The following SLC8A2 variants were observed in gnomAD, a reference collection of about 807,000 sequenced individuals.
SLC8A2 encodes sodium/calcium exchanger 2.
In SLC8A2, 14 loss-of-function variants were observed where a neutral mutation model predicts 70.2. That is an observed-to-expected ratio of 0.20 (90% CI 0.13 to 0.31). The LOEUF is 0.31. Ranked by LOEUF, SLC8A2 falls within the 10% of genes least tolerant of loss-of-function variation. The probability of loss-of-function intolerance (pLI) is 1.00; values close to 1 mark genes in which losing one functional copy is unlikely to be tolerated. For synonymous variants in SLC8A2, 575 were observed against 594.3 expected, an observed-to-expected ratio of 0.97 and a Z score of 0.47; for missense variants, 779 against 1,320.1, an observed-to-expected ratio of 0.59 and a Z score of 6.35.
intron 3 of SLC8A2, among the ~76,000 whole-genome samples, chr19:47,454,814 G>T (rs923377267): frequency 6.6e-6 from 1 of 152,142 alleles, no homozygotes; most frequent in African/African-American, 2.4e-5. Flanking sequence ...TGCCAGGTGC[G>T]GTGGCTCACG....
intron 8 of SLC8A2, among the ~76,000 whole-genome samples, chr19:47,434,180 G>C (rs893927220): frequency 6.6e-6 from 1 of 152,230 alleles, no homozygotes; most frequent in African/African-American, 2.4e-5. Flanking sequence ...CACGCTCTTT[G>C]GGAGAGAGGT....
intron 1 of SLC8A2, 96 bp downstream of exon 1, chr19:47,471,693 G>A (rs1388772445): frequency 1.3e-5 from 2 of 152,134 alleles, no homozygotes; most frequent in African/African-American, 4.8e-5. Flanking sequence ...GCCCAGGGAA[G>A]CCAGCTCCAG....
At chr19:47,450,518 G>A (rs916192187) in intron 3 of SLC8A2, among the ~76,000 whole-genome samples, 6 of 151,942 alleles carry the variant, frequency 3.9e-5, no homozygotes, top group African/African-American at 1.2e-4. Flanking sequence ...GCAAGACTCC[G>A]TCTCAAAAAG....
At chr19:47,470,791 CAAG>C (rs1049732418) in intron 1 of SLC8A2, among the ~76,000 whole-genome samples, 4 of 152,250 alleles carry the variant, frequency 2.6e-5, no homozygotes, top group East Asian at 1.9e-4. Context: ...GGTTAAACTG[CAAG>C]AAGGACCGGC....
chr19:47,432,660 A>G lies in SLC8A2; in HGVS notation c.2111-215T>C, dbSNP rs1966980120. 2 of 482,572 alleles carry G rather than the reference A, an allele frequency of 4.1e-6. No individual in the cohort carries two copies. Among genetic ancestry groups the G allele is most frequent in the Non-Finnish European group, 7.2e-6 (2 of 277,170 alleles). The allele number at this position is 482,572 out of a possible 1,614,324, so 29.9% of individuals were successfully genotyped here. On this transcript the variant is annotated intron_variant, in intron 8 of 9. Transcript: ENST00000236877. The surrounding 1 kb of genome is among the most constrained non-coding windows in gnomAD (Gnocchi z 6.2). ...GCTTGATTGGGCCCAGGTGAAAAATATTTACTTTCCCAGAATCCTTTGGAT... is the reference window on the plus strand; with the variant it reads ...GCTTGATTGGGCCCAGGTGAAAAATGTTTACTTTCCCAGAATCCTTTGGAT...
chr19:47,441,728 G>T (rs1160668683), intron 4 of SLC8A2, among the ~76,000 whole-genome samples: 1 of 152,218 alleles, frequency 6.6e-6, no homozygotes, highest in Non-Finnish European at 1.5e-5. Context: ...GGCTGAGGAG[G>T]GAGGGTTGCT....
At chr19:47,451,847 CA>C (rs1967238555) in intron 3 of SLC8A2, among the ~76,000 whole-genome samples, 3 of 152,272 alleles carry the variant, frequency 2.0e-5, no homozygotes, top group African/African-American at 7.2e-5. Context: ...CTATCATCTT[CA>C]AAAGCATCAG....
At chr19:47,439,603 C>CTTCCTTCCTTTCT (rs1555747516) in intron 6 of SLC8A2, among the ~76,000 whole-genome samples, 7 of 68,544 alleles carry the variant, frequency 1.0e-4, no homozygotes, top group African/African-American at 5.9e-4. Context: ...TCTCTTCTCC[C>CTTCCTTCCTTTCT]TCCTTCCTTC....
Position 47,430,083 on chromosome 19 carries a change from G to A in SLC8A2, c.*6C>T. On this transcript the variant is annotated 3_prime_UTR_variant, in exon 10 of 10. Coordinates refer to ENST00000236877, the MANE Select transcript of SLC8A2 (RefSeq NM_015063.3). The surrounding 1 kb of genome is among the most constrained non-coding windows in gnomAD (Gnocchi z 5.9). The stretch of plus-strand genomic sequence containing the variant: ...GGGCGGTGGGGACGAGTCTCTGCGC[G>A]AGGCCCTAGAAGCCCCGGATGTGGC... 6.3e-7 allele frequency: 1 copy of A among 1,577,808 alleles called. No individual in the cohort carries two copies. The highest frequency in any genetic ancestry group is 8.6e-7 in the Non-Finnish European group (1 of 1,161,460).
intron 2 of SLC8A2, among the ~76,000 whole-genome samples, chr19:47,462,579 T>A (rs990180383): frequency 1.3e-5 from 2 of 149,960 alleles, no homozygotes; most frequent in Admixed American, 6.7e-5. Context: ...ATATCTTTTT[T>A]AAATTTCTTT....
chr19:47,466,498 A>G lies in SLC8A2; in HGVS notation c.-16-79T>C. On this transcript the variant is annotated intron_variant, in intron 1 of 9. Transcript: ENST00000236877. The surrounding 1 kb of genome is among the most constrained non-coding windows in gnomAD (Gnocchi z 6.9). Reference sequence around the variant, plus strand: ...TACAAAGGTCAAAGCTCACTGGGGAAGGAGGGTTGGGGGAGAAGCTGAGGA... The same window carrying G: ...TACAAAGGTCAAAGCTCACTGGGGAGGGAGGGTTGGGGGAGAAGCTGAGGA... The G allele has an allele frequency of 1.7e-6, 1 of 593,756 alleles. No homozygotes were observed. The highest frequency in any genetic ancestry group is 2.1e-5 in the South Asian group (1 of 46,774). The allele number at this position is 593,756 out of a possible 1,614,324, so 36.8% of individuals were successfully genotyped here.
In SLC8A2 at chr19:47,447,426, C is replaced by A; in HGVS notation, c.1763+383G>T. ...GTCCCCCCTTCCTCCTTGGGGCCCTCTTCTCACCTGTCCGGCCACCCTTCT... is the reference window on the plus strand; with the variant it reads ...GTCCCCCCTTCCTCCTTGGGGCCCTATTCTCACCTGTCCGGCCACCCTTCT... On this transcript the variant is annotated intron_variant, in intron 4 of 9. Transcript: ENST00000236877. This position sits in a 1 kb window ranked among gnomAD's most constrained non-coding sequence, Gnocchi z 5.1. 3.5e-6 allele frequency: 1 copy of A among 285,108 alleles called. No individual in the cohort carries two copies. Among genetic ancestry groups the A allele is most frequent in the Non-Finnish European group, 6.6e-6 (1 of 150,384 alleles). 17.7% of individuals were successfully genotyped at this position (285,108 alleles called of 1,614,324 possible).
At chr19:47,439,733 G>A (rs377525556) in intron 6 of SLC8A2, among the ~76,000 whole-genome samples, 39 of 150,896 alleles carry the variant, frequency 2.6e-4, no homozygotes, top group East Asian at 8.0e-4. Flanking sequence ...GCACGATCTC[G>A]GCTCACTGCA....
intron 3 of SLC8A2, among the ~76,000 whole-genome samples, chr19:47,452,433 A>T (rs1967251086): frequency 2.0e-5 from 2 of 99,050 alleles, no homozygotes; most frequent in African/African-American, 4.4e-5. Flanking sequence ...AGAGAGAGAG[A>T]GAGAGAGAGA....
intron 1 of SLC8A2, among the ~76,000 whole-genome samples, chr19:47,469,085 G>A (rs958296286): frequency 6.6e-6 from 1 of 151,846 alleles, no homozygotes. Flanking sequence ...AACTTCCCAA[G>A]AAGGAGAGAG....
rs529017209 is a variant in SLC8A2, at chr19:47,429,520, G to A, written c.*569C>T. On this transcript the variant is annotated 3_prime_UTR_variant, in exon 10 of 10. Coordinates refer to ENST00000236877, the MANE Select transcript of SLC8A2 (RefSeq NM_015063.3). Reference sequence around the variant, plus strand: ...GTGGAGGGATTGGAAGGAACGGTGTGCGGCCTCCTTGCGCGCACACCCACC... The same window carrying A: ...GTGGAGGGATTGGAAGGAACGGTGTACGGCCTCCTTGCGCGCACACCCACC... The A allele has an allele frequency of 1.3e-5, 2 of 154,224 alleles. No homozygotes were observed. Among genetic ancestry groups the A allele is most frequent in the South Asian group, 2.0e-4 (1 of 4,884 alleles). 9.6% of individuals were successfully genotyped at this position (154,224 alleles called of 1,614,324 possible).
rs1006908838 is a variant in SLC8A2, at chr19:47,465,699, C to A, written c.675+30G>T. 1 of 1,564,562 alleles carries A rather than the reference C, an allele frequency of 6.4e-7. No individual in the cohort carries two copies. The highest frequency in any genetic ancestry group is 1.2e-5 in the South Asian group (1 of 85,008). ...TCTGGATTTTGCAGACACACATGCACCAAGAAAGCATCTATGCGTCTTTGC... is the reference window on the plus strand; with the variant it reads ...TCTGGATTTTGCAGACACACATGCAACAAGAAAGCATCTATGCGTCTTTGC... On this transcript the variant is annotated intron_variant, in intron 2 of 9. Coordinates refer to ENST00000236877, the MANE Select transcript of SLC8A2 (RefSeq NM_015063.3). The surrounding 1 kb of genome is among the most constrained non-coding windows in gnomAD (Gnocchi z 5.5).
intron 1 of SLC8A2, among the ~76,000 whole-genome samples, chr19:47,467,500 A>G (rs1168307626): frequency 1.3e-5 from 2 of 152,002 alleles, no homozygotes; most frequent in Admixed American, 1.3e-4. Flanking sequence ...CAGTCTCTCC[A>G]GCTTCCCTGT....
intron 8 of SLC8A2, among the ~76,000 whole-genome samples, chr19:47,433,685 C>T (rs761005085): frequency 1.3e-5 from 2 of 151,944 alleles, no homozygotes; most frequent in African/African-American, 4.8e-5. Context: ...AGCCTCCCTC[C>T]GTTACCAAGG....
Sources: gnomAD v4.1 joint callset for allele counts (sites outside exome capture counted in the v4.1 genomes callset) on GRCh38, gnomAD v4.1.1 for gene constraint, Gnocchi (gnomAD v3.1) non-coding constraint, MANE v1.5 for transcripts, NCBI Gene and HGNC (gene_info 2026-07-23, HGNC 2026-07-21) for gene names.